Variants in EXOC6B observed in about 807,000 individuals in gnomAD.
EXOC6B encodes the protein SEC15 homolog B.
EXOC6B carries 54 observed loss-of-function variants against 113.5 expected under a neutral mutation model. The observed-to-expected ratio is 0.48, with a 90% confidence interval of 0.38 to 0.60. The LOEUF (loss-of-function observed/expected upper bound fraction) is 0.60. Ranked by LOEUF, EXOC6B falls within the 20% of genes least tolerant of loss-of-function variation. The pLI, the probability that EXOC6B is intolerant of heterozygous loss-of-function variation, is 0.00. For missense variants in EXOC6B, 797 were observed against 977.5 expected, an observed-to-expected ratio of 0.82 and a Z score of 2.46; for synonymous variants, 357 against 339.0, an observed-to-expected ratio of 1.05 and a Z score of -0.58.
chr2:72,631,158 G>A (rs1187681460), intron 6 of EXOC6B, among the ~76,000 whole-genome samples: 1 of 151,436 alleles, frequency 6.6e-6, no homozygotes. Flanking sequence ...TAAAGTATAG[G>A]AATGTGTGTG....
intron 18 of EXOC6B, among the ~76,000 whole-genome samples, chr2:72,443,497 A>G: frequency 6.6e-6 from 1 of 152,246 alleles, no homozygotes; most frequent in East Asian, 1.9e-4. Flanking sequence ...CTGGCTAGCC[A>G]TATGCAGAAG....
chr2:72,312,008 G>A (rs1480390970), intron 20 of EXOC6B, among the ~76,000 whole-genome samples: 1 of 152,144 alleles, frequency 6.6e-6, no homozygotes, highest in Non-Finnish European at 1.5e-5. Context: ...CATCTTTAAC[G>A]GTGCTGATAC....
chr2:72,176,162 T>C lies in EXOC6B; in HGVS notation c.*3173A>G, dbSNP rs1483303257. On this transcript the variant is annotated 3_prime_UTR_variant, in exon 22 of 22. Transcript: ENST00000272427. ...AAAAAGTTCCCTTTAGAGTTAAAAA[T>C]GGACTTTCCTAATTTTCTCTATATA... is the stretch of plus-strand genomic sequence containing the variant. The C allele has an allele frequency of 1.3e-5, 2 of 151,806 alleles. No individual in the cohort carries two copies. The highest frequency in any genetic ancestry group is 6.6e-5 in the Admixed American group (1 of 15,218). 9.4% of individuals were successfully genotyped at this position (151,806 alleles called of 1,614,324 possible).
intron 2 of EXOC6B, among the ~76,000 whole-genome samples, chr2:72,736,193 T>TAAA (rs970189355): frequency 7.6e-6 from 1 of 131,246 alleles, no homozygotes; most frequent in Non-Finnish European, 1.7e-5. Flanking sequence ...CTCAAAAAAT[T>TAAA]AAAAAAAAAA....
At chr2:72,254,695 G>A (rs1683244654) in intron 20 of EXOC6B, among the ~76,000 whole-genome samples, 1 of 152,136 alleles carries the variant, frequency 6.6e-6, no homozygotes. Context: ...AGATATTCTT[G>A]GTAGGAATAT....
intron 19 of EXOC6B, among the ~76,000 whole-genome samples, chr2:72,337,574 G>A (rs1029496348): frequency 5.9e-5 from 9 of 152,056 alleles, no homozygotes; most frequent in Non-Finnish European, 1.0e-4. Context: ...TTTAGTTTTC[G>A]GAGTCACTTT....
chr2:72,189,642 T>C (rs1678681675), intron 20 of EXOC6B, among the ~76,000 whole-genome samples: 1 of 152,168 alleles, frequency 6.6e-6, no homozygotes, highest in Non-Finnish European at 1.5e-5. Context: ...TTGTCACTCA[T>C]TCTACTGTAA....
chr2:72,668,033 C>G (rs1368683203), intron 6 of EXOC6B, among the ~76,000 whole-genome samples: 1 of 152,076 alleles, frequency 6.6e-6, no homozygotes, highest in Non-Finnish European at 1.5e-5. Flanking sequence ...AAACCAATAA[C>G]CCCAGTAAAA....
chr2:72,503,375 G>T (rs1411095125), intron 11 of EXOC6B, among the ~76,000 whole-genome samples: 1 of 152,048 alleles, frequency 6.6e-6, no homozygotes, highest in African/African-American at 2.4e-5. Context: ...CCAACCCCCA[G>T]GCAACAGGGA....
At chr2:72,326,504 G>A (rs953641358) in intron 20 of EXOC6B, among the ~76,000 whole-genome samples, 6 of 152,046 alleles carry the variant, frequency 3.9e-5, no homozygotes, top group African/African-American at 1.4e-4. Context: ...CAATTGCTAG[G>A]TGGCTTACTA....
At chr2:72,798,788 A>C (rs1237143258) in intron 1 of EXOC6B, among the ~76,000 whole-genome samples, 1 of 152,204 alleles carries the variant, frequency 6.6e-6, no homozygotes, top group Non-Finnish European at 1.5e-5. Context: ...TATCACACAC[A>C]TACAGTTATA....
At chr2:72,241,397 T>C (rs1682305009) in intron 20 of EXOC6B, among the ~76,000 whole-genome samples, 1 of 152,152 alleles carries the variant, frequency 6.6e-6, no homozygotes, top group Non-Finnish European at 1.5e-5. Context: ...AAAGGTGCAA[T>C]ATATTTGTAA....
intron 20 of EXOC6B, among the ~76,000 whole-genome samples, chr2:72,185,505 C>A (rs1287587393): frequency 3.3e-5 from 5 of 152,226 alleles, no homozygotes; most frequent in African/African-American, 4.8e-5. Context: ...CCTATACCCT[C>A]AGCCAAGAAA....
At chr2:72,772,219 T>A (rs1683443936) in intron 1 of EXOC6B, among the ~76,000 whole-genome samples, 2 of 152,080 alleles carry the variant, frequency 1.3e-5, no homozygotes, top group African/African-American at 4.8e-5. Flanking sequence ...GCCCCAGGCC[T>A]CCCCAGTGAA....
chr2:72,756,587 C>A (rs1682426086), intron 1 of EXOC6B, among the ~76,000 whole-genome samples: 1 of 152,166 alleles, frequency 6.6e-6, no homozygotes, highest in South Asian at 2.1e-4. Flanking sequence ...AGGTTAAATT[C>A]AGCCCAAAAT....
intron 20 of EXOC6B, among the ~76,000 whole-genome samples, chr2:72,274,831 T>G (rs1030772257): frequency 3.3e-5 from 5 of 152,176 alleles, no homozygotes; most frequent in Admixed American, 2.0e-4. Flanking sequence ...CTAAACAGTT[T>G]GTTTAGTCTA....
intron 16 of EXOC6B, among the ~76,000 whole-genome samples, chr2:72,488,211 GT>G (rs997251590): frequency 2.6e-5 from 4 of 151,622 alleles, no homozygotes; most frequent in Non-Finnish European, 5.9e-5. Flanking sequence ...GCACACTCCT[GT>G]TTTTTTTGTT....
At chr2:72,495,612 T>C in intron 14 of EXOC6B, 73 bp from the exon 15 acceptor site, 2 of 829,418 alleles carry the variant, frequency 2.4e-6, no homozygotes. Flanking sequence ...ATTATTTAGG[T>C]TGCAAAAAGA....
chr2:72,779,958 C>T (rs1277798759), intron 1 of EXOC6B, among the ~76,000 whole-genome samples: 3 of 152,076 alleles, frequency 2.0e-5, no homozygotes, highest in Non-Finnish European at 4.4e-5. Context: ...AGAGAAGAGA[C>T]CTTCTGGTCA....
Sources: allele counts gnomAD v4.1 joint callset (sites outside exome capture counted in the v4.1 genomes callset), GRCh38; gene constraint gnomAD v4.1.1; transcripts MANE v1.5; gene names NCBI Gene and HGNC (gene_info 2026-07-23, HGNC 2026-07-21).